Variants in DAAM2 observed in about 807,000 individuals in gnomAD.
DAAM2 encodes dishevelled associated activator of morphogenesis 2.
DAAM2 carries 39 observed loss-of-function variants against 120.7 expected under a neutral mutation model. That is an observed-to-expected ratio of 0.32 (90% confidence interval 0.25 to 0.42). The LOEUF is 0.42. DAAM2 is among the 10% of genes least tolerant of loss of function. DAAM2 has a pLI of 1.00. For missense variants in DAAM2, 1,283 were observed against 1,401.7 expected, an observed-to-expected ratio of 0.92 and a Z score of 1.35; for synonymous variants, 488 against 524.9, an observed-to-expected ratio of 0.93 and a Z score of 0.96.
chr6:39,827,844 T>TCTC (rs10639986), intron 1 of DAAM2, among the ~76,000 whole-genome samples: 54,834 of 151,764 alleles, frequency 0.36, 12,215 homozygotes, highest in African/African-American at 0.63. Context: ...TCTTGGGTCA[T>TCTC]CTTGCCAGCT....
In DAAM2 at chr6:39,901,791, A is replaced by G. The variant is rs1766501606; in HGVS notation, c.2983-22A>G. On this transcript the variant is annotated intron_variant, in intron 24 of 24. Coordinates refer to ENST00000274867, the MANE Select transcript of DAAM2 (RefSeq NM_001201427.2). This position sits in a 1 kb window ranked among gnomAD's most constrained non-coding sequence, Gnocchi z 4.5. ...AGCGCCTCTCCCTGAGAGGGTTCCT[A>G]TCTTTGGCCCCCCGCCCGCAGCTGA... 6 of 1,508,156 alleles carry G rather than the reference A, an allele frequency of 4.0e-6. No individual in the cohort carries two copies. The highest frequency in any genetic ancestry group is 1.4e-5 in the African/African-American group (1 of 72,114). 93.4% of individuals were successfully genotyped at this position (1,508,156 alleles called of 1,614,324 possible).
chr6:39,826,873 T>C (rs561342700), intron 1 of DAAM2, among the ~76,000 whole-genome samples: 1 of 152,256 alleles, frequency 6.6e-6, no homozygotes, highest in East Asian at 1.9e-4. Context: ...CTAAGTACCC[T>C]TCAAGCTTCA....
In DAAM2 at chr6:39,879,302, C is replaced by CCCCCCCCCCTCCTCCCCGGGG; in HGVS notation, c.1670_1671insCCCCCCCCCTCCTCCCCGGGG (p.Pro559_Leu560insProProProArgGlyProPro). On this transcript the variant is annotated inframe_insertion, in exon 14 of 25. Coordinates refer to ENST00000274867, the MANE Select transcript of DAAM2 (RefSeq NM_001201427.2). ...TTTGCCTGTTGTCCCCCTCCCCCAC[C>CCCCCCCCCCTCCTCCCCGGGG]ACCACCCCTTCCTCCCGGGGGACCC... 6.6e-7 allele frequency: 1 copy of CCCCCCCCCCTCCTCCCCGGGG among 1,524,636 alleles called. No individual in the cohort carries two copies. Among genetic ancestry groups the CCCCCCCCCCTCCTCCCCGGGG allele is most frequent in the Non-Finnish European group, 9.0e-7 (1 of 1,113,906 alleles). 94.4% of individuals were successfully genotyped at this position (1,524,636 alleles called of 1,614,324 possible).
chr6:39,806,840 C>CAAAAAAAAAAA (rs200270782), intron 1 of DAAM2, among the ~76,000 whole-genome samples: 3 of 25,186 alleles, frequency 1.2e-4, no homozygotes, highest in Non-Finnish European at 1.6e-4. Context: ...ATCAGATTGG[C>CAAAAAAAAAAA]AAAAAAAAAA....
chr6:39,869,753 CTT>C (rs531295826), intron 7 of DAAM2, among the ~76,000 whole-genome samples: 37,502 of 101,214 alleles, frequency 0.37, 7,100 homozygotes, highest in South Asian at 0.46. Flanking sequence ...CGCCAGCATA[CTT>C]TTTTTTTTTT....
chr6:39,878,985 G>T lies in DAAM2; in HGVS notation c.1546-193G>T, dbSNP rs1271140458. On this transcript the variant is annotated intron_variant, in intron 13 of 24. Coordinates refer to ENST00000274867, the MANE Select transcript of DAAM2 (RefSeq NM_001201427.2). This position sits in a 1 kb window ranked among gnomAD's most constrained non-coding sequence, Gnocchi z 5.0. ...GTGACGTGTGTGTGTCTGTGGTGGT[G>T]GTGTGTGTGTGTTTGCGTGTGTTAG... Among the ~76,000 whole-genome samples, 1 of 152,134 alleles carries T rather than the reference G, an allele frequency of 6.6e-6. No individual in the cohort carries two copies. Among genetic ancestry groups the T allele is most frequent in the African/African-American group, 2.4e-5 (1 of 41,486 alleles).
At chr6:39,894,811 G>A (rs1765971925) in intron 19 of DAAM2, among the ~76,000 whole-genome samples, 1 of 152,038 alleles carries the variant, frequency 6.6e-6, no homozygotes, top group South Asian at 2.1e-4. Context: ...TAGAGACAGG[G>A]TTTCACCATG....
At chr6:39,855,901 G>C (rs955110170) in intron 1 of DAAM2, 1 of 335,442 alleles carries the variant, frequency 3.0e-6, no homozygotes, top group South Asian at 1.2e-4. Flanking sequence ...ATAGGAGCCC[G>C]TCCACACATT....
At chr6:39,810,205 T>C (rs1762122179) in intron 1 of DAAM2, among the ~76,000 whole-genome samples, 3 of 152,134 alleles carry the variant, frequency 2.0e-5, no homozygotes, top group African/African-American at 7.2e-5. Flanking sequence ...ATTTTTTAAT[T>C]GGGCATGTTG....
At chr6:39,855,083 C>G (rs1763946987) in intron 1 of DAAM2, among the ~76,000 whole-genome samples, 1 of 152,190 alleles carries the variant, frequency 6.6e-6, no homozygotes, top group South Asian at 2.1e-4. Context: ...GGGATAAAAA[C>G]AGAATTCCAT....
chr6:39,870,379 C>T lies in DAAM2; in HGVS notation c.913C>T (p.Leu305=). ...EFRLHLRYEF[L]MLGIQPVIDK... ...CCGCCTACATCTACGGTATGAATTCCTGATGCTGGGTATACAGCCTGTGAT... is the reference window on the plus strand; with the variant it reads ...CCGCCTACATCTACGGTATGAATTCTTGATGCTGGGTATACAGCCTGTGAT... Residue 305 remains leucine, a synonymous_variant, in exon 8 of 25, where the codon CTG becomes TTG. Coordinates refer to ENST00000274867, the MANE Select transcript of DAAM2 (RefSeq NM_001201427.2). The T allele has an allele frequency of 1.3e-6, 2 of 1,586,440 alleles. No individual in the cohort carries two copies. Among genetic ancestry groups the T allele is most frequent in the East Asian group, 4.6e-5 (2 of 43,852 alleles).
chr6:39,891,031 T>C (rs1765677530), intron 17 of DAAM2, among the ~76,000 whole-genome samples: 1 of 151,302 alleles, frequency 6.6e-6, no homozygotes, highest in South Asian at 2.1e-4. Flanking sequence ...AGGTCACGGC[T>C]GCAGTGAGCT....
intron 1 of DAAM2, among the ~76,000 whole-genome samples, chr6:39,813,168 G>A (rs764506065): frequency 9.4e-5 from 14 of 149,652 alleles, no homozygotes; most frequent in South Asian, 6.2e-4. Context: ...GTGTGTGTGC[G>A]TGTGTGTGTG....
chr6:39,855,562 G>A (rs571486458), intron 1 of DAAM2, among the ~76,000 whole-genome samples: 1 of 152,158 alleles, frequency 6.6e-6, no homozygotes, highest in African/African-American at 2.4e-5. Context: ...GACTCCCCTG[G>A]GTAACTCTCT....
chr6:39,856,659 A>C (rs1582682927), intron 2 of DAAM2, among the ~76,000 whole-genome samples, 189 bp downstream of exon 2: 1 of 152,194 alleles, frequency 6.6e-6, no homozygotes, highest in East Asian at 1.9e-4. Context: ...TGGACAGCAT[A>C]AAGTGTGTCC....
At chr6:39,825,133 TA>T (rs1762621184) in intron 1 of DAAM2, among the ~76,000 whole-genome samples, 1 of 152,040 alleles carries the variant, frequency 6.6e-6, no homozygotes, top group African/African-American at 2.4e-5. Context: ...CTCACGCCTG[TA>T]ATCTCAGCAC....
intron 1 of DAAM2, among the ~76,000 whole-genome samples, chr6:39,796,074 G>A (rs1337718408): frequency 6.6e-6 from 1 of 152,120 alleles, no homozygotes; most frequent in Non-Finnish European, 1.5e-5. Flanking sequence ...AAGAATGAAA[G>A]CTTTAGTCAT....
At chr6:39,857,120 TGC>T (rs954687015) in intron 2 of DAAM2, among the ~76,000 whole-genome samples, 1 of 152,218 alleles carries the variant, frequency 6.6e-6, no homozygotes, top group Non-Finnish European at 1.5e-5. Flanking sequence ...CCCGTGTGTG[TGC>T]AGCTTTATAC....
intron 1 of DAAM2, among the ~76,000 whole-genome samples, chr6:39,848,414 G>T (rs1180516400): frequency 1.3e-5 from 2 of 152,120 alleles, no homozygotes; most frequent in African/African-American, 2.4e-5. Context: ...GTGAGTCAAA[G>T]AAACCTTTAT....
Sources: gnomAD v4.1 joint callset for allele counts (sites outside exome capture counted in the v4.1 genomes callset) on GRCh38, gnomAD v4.1.1 for gene constraint, Gnocchi (gnomAD v3.1) non-coding constraint, MANE v1.5 for transcripts, NCBI Gene and HGNC (gene_info 2026-07-23, HGNC 2026-07-21) for gene names.